UBN1: variants seen among roughly 807,000 people sequenced by gnomAD.
UBN1 encodes ubinuclein 1.
UBN1 carries 17 observed loss-of-function variants against 108.5 expected under a neutral mutation model. That is an observed-to-expected ratio of 0.16 (90% CI 0.11 to 0.24). The LOEUF (loss-of-function observed/expected upper bound fraction) is 0.24. UBN1 is among the 10% of genes least tolerant of loss of function. The pLI is 1.00. For missense variants in UBN1, 1,595 were observed against 1,394.4 expected (o/e 1.14, Z -2.29); for synonymous variants, 726 against 564.2 (o/e 1.29, Z -4.07).
chr16:4,874,165 G>T, intron 14 of UBN1, 46 bp from the exon 15 acceptor site: 8 of 1,505,180 alleles, frequency 5.3e-6, no homozygotes, highest in Non-Finnish European at 7.1e-6. Flanking sequence ...GCCAATGTTG[G>T]CATCTTTGGA....
chr16:4,880,173 A>G lies in UBN1; in HGVS notation c.*41A>G, dbSNP rs2088036560. The G allele has an allele frequency of 6.2e-7, 1 of 1,607,574 alleles. No individual in the cohort carries two copies. On this transcript the variant is annotated 3_prime_UTR_variant, in exon 18 of 18. Transcript: ENST00000262376. ...GGCTTGCCACTTGGGTCTGGGTGGAATCAGAACGTGCAGGTCTCCCAGGAT... is the reference window on the plus strand; with the variant it reads ...GGCTTGCCACTTGGGTCTGGGTGGAGTCAGAACGTGCAGGTCTCCCAGGAT...
At chr16:4,869,091 C>T (rs1421792167) in intron 8 of UBN1, among the ~76,000 whole-genome samples, 188 bp downstream of exon 8, 1 of 152,204 alleles carries the variant, frequency 6.6e-6, no homozygotes, top group Non-Finnish European at 1.5e-5. Context: ...ACAACAGGGA[C>T]ACCAAGTACT....
intron 7 of UBN1, among the ~76,000 whole-genome samples, chr16:4,866,790 G>A (rs1461091253): frequency 6.6e-6 from 1 of 152,232 alleles, no homozygotes; most frequent in African/African-American, 2.4e-5. Context: ...AGGATTACAG[G>A]TGTGAGCCAC....
intron 7 of UBN1, among the ~76,000 whole-genome samples, chr16:4,861,982 G>C (rs1224176837): frequency 1.3e-5 from 2 of 152,182 alleles, no homozygotes; most frequent in Non-Finnish European, 2.9e-5. Flanking sequence ...GGATCTAGCA[G>C]CTCTTGCTGT....
intron 1 of UBN1, among the ~76,000 whole-genome samples, chr16:4,849,870 CG>C (rs2086459752): frequency 1.4e-5 from 2 of 140,756 alleles, no homozygotes; most frequent in South Asian, 2.4e-4. Flanking sequence ...GTGCTGGGTC[CG>C]GGAAGTTGAG....
At chr16:4,871,860 A>T (rs929401286) in intron 12 of UBN1, among the ~76,000 whole-genome samples, 2 of 152,164 alleles carry the variant, frequency 1.3e-5, no homozygotes, top group African/African-American at 4.8e-5. Flanking sequence ...TGCTGGGATT[A>T]CAGGCGTGAG....
chr16:4,851,323 G>T (rs139349469), intron 1 of UBN1, among the ~76,000 whole-genome samples: 7 of 152,118 alleles, frequency 4.6e-5, no homozygotes. Flanking sequence ...AAATTAGCAC[G>T]CCTGTAGTTC....
chr16:4,854,566 A>ACTG (rs2086709574), intron 2 of UBN1, among the ~76,000 whole-genome samples: 1 of 140,950 alleles, frequency 7.1e-6, no homozygotes, highest in African/African-American at 2.7e-5. Flanking sequence ...CATTTTAACC[A>ACTG]TGTAGGCCAT....
chr16:4,866,747 C>A (rs1020246798), intron 7 of UBN1, among the ~76,000 whole-genome samples: 1 of 152,170 alleles, frequency 6.6e-6, no homozygotes, highest in Non-Finnish European at 1.5e-5. Flanking sequence ...CCTGAGCTCG[C>A]GTGTTCCGCC....
At chr16:4,871,769 G>A (rs1424762881) in intron 12 of UBN1, among the ~76,000 whole-genome samples, 4 of 151,776 alleles carry the variant, frequency 2.6e-5, no homozygotes, top group African/African-American at 9.7e-5. Context: ...TGTATTTTTA[G>A]TAGAAATGGG....
At chr16:4,869,228 G>A (rs1297080496) in intron 8 of UBN1, among the ~76,000 whole-genome samples, 1 of 152,146 alleles carries the variant, frequency 6.6e-6, no homozygotes, top group Admixed American at 6.5e-5. Context: ...GGTGTTGCCT[G>A]ACTGTCTCTG....
chr16:4,849,292 A>G (rs2086406198), intron 1 of UBN1, among the ~76,000 whole-genome samples: 1 of 152,218 alleles, frequency 6.6e-6, no homozygotes, highest in South Asian at 2.1e-4. Context: ...CAATTTTTGG[A>G]AAAGGGAAGA....
rs757187213 is a variant in UBN1, at chr16:4,874,992, C to T, written c.2582C>T (p.Thr861Ile). 1 of 1,614,012 alleles carries T rather than the reference C, an allele frequency of 6.2e-7. No individual in the cohort carries two copies. The highest frequency in any genetic ancestry group is 8.5e-7 in the Non-Finnish European group (1 of 1,180,054). Residue 861 changes from threonine to isoleucine, a missense_variant, in exon 15 of 18, where the codon ACC becomes ATC. This residue lies in a region of UBN1 where 1,398 missense variants were observed against 1,194.7 expected (regional missense o/e 1.17). Coordinates refer to ENST00000262376, the MANE Select transcript of UBN1 (RefSeq NM_001079514.3). ...GQGFHPSAPATSGGLSASSSS... is the reference protein window; with the variant it reads ...GQGFHPSAPAISGGLSASSSS... ...GGCTTCCATCCCTCTGCACCAGCCA[C>T]CTCAGGAGGCCTGTCAGCCTCCAGC...
Position 4,877,054 on chromosome 16 carries a change from A to C in UBN1, c.3208A>C (p.Lys1070Gln). 6.2e-7 allele frequency: 1 copy of C among 1,614,106 alleles called. No individual in the cohort carries two copies. Among genetic ancestry groups the C allele is most frequent in the South Asian group, 1.1e-5 (1 of 91,084 alleles). The part of the protein sequence containing the change: ...ADSSAKAGVS[K>Q]DAIVTGPAPG... Reference sequence around the variant, plus strand: ...CTCCTCTGCCAAAGCAGGGGTCTCCAAGGATGCCATCGTCACAGGCCCTGC... The same window carrying C: ...CTCCTCTGCCAAAGCAGGGGTCTCCCAGGATGCCATCGTCACAGGCCCTGC... Residue 1070 changes from lysine (K) to glutamine (Q), a missense_variant, in exon 16 of 18, where the codon AAG (lysine) becomes CAG (glutamine). Coordinates refer to ENST00000262376, the MANE Select transcript of UBN1 (RefSeq NM_001079514.3). The surrounding 1 kb of genome is among the most constrained non-coding windows in gnomAD (Gnocchi z 4.3).
intron 3 of UBN1, 94 bp downstream of exon 3, chr16:4,858,170 T>C (rs2086897665): frequency 1.2e-6 from 1 of 856,298 alleles, no homozygotes; most frequent in Admixed American, 2.1e-5. Flanking sequence ...TAATAAACAC[T>C]GATCTGGAAG....
chr16:4,849,389 G>A (rs2086416707), intron 1 of UBN1, among the ~76,000 whole-genome samples: 1 of 152,066 alleles, frequency 6.6e-6, no homozygotes, highest in Non-Finnish European at 1.5e-5. Context: ...AAGAATTCAG[G>A]AAGGGTACTC....
intron 12 of UBN1, chr16:4,872,383 G>A: frequency 1.0e-6 from 1 of 981,606 alleles, no homozygotes; most frequent in Non-Finnish European, 1.2e-6. Context: ...CCTTTGGGCA[G>A]CCAGTGTGTC....
chr16:4,878,098 A>G (rs950546980), intron 17 of UBN1, among the ~76,000 whole-genome samples: 1 of 152,136 alleles, frequency 6.6e-6, no homozygotes, highest in South Asian at 2.1e-4. Flanking sequence ...GGGAACTTCT[A>G]AAAGCCTCAG....
At chr16:4,878,250 C>T (rs1325564239) in intron 17 of UBN1, among the ~76,000 whole-genome samples, 5 of 152,148 alleles carry the variant, frequency 3.3e-5, no homozygotes, top group Non-Finnish European at 5.9e-5. Context: ...TGGGAAGTCT[C>T]ATGGTGTCTC....
Sources: allele counts gnomAD v4.1 joint callset (sites outside exome capture counted in the v4.1 genomes callset), GRCh38; gene constraint gnomAD v4.1.1; regional missense constraint gnomAD v4.1.1; non-coding constraint Gnocchi (gnomAD v3.1); transcripts MANE v1.5; gene names NCBI Gene and HGNC (gene_info 2026-07-23, HGNC 2026-07-21).